Variants in PRKG1 observed in about 807,000 individuals in gnomAD.
PRKG1 encodes protein kinase cGMP-dependent 1.
PRKG1 carries 35 observed loss-of-function variants against 88.1 expected under a neutral mutation model. The ratio of observed to expected loss-of-function variants is 0.40; its 90% CI spans 0.30 to 0.53. PRKG1 has a LOEUF of 0.53. PRKG1 is among the 20% of genes least tolerant of loss of function. The probability of loss-of-function intolerance (pLI) is 0.59; values close to 1 mark genes in which losing one functional copy is unlikely to be tolerated. For missense variants in PRKG1, 540 were observed against 839.8 expected (o/e 0.64, Z 4.41); for synonymous variants, 303 against 292.5 (o/e 1.04, Z -0.37).
At chr10:51,850,489 T>TTATATA (rs141736837) in intron 4 of PRKG1, among the ~76,000 whole-genome samples, 2,699 of 143,642 alleles carry the variant, frequency 0.019, 87 homozygotes, top group African/African-American at 0.064. Context: ...TGTTGCAATT[T>TTATATA]TATATATATA....
chr10:52,112,972 A>G (rs1287447270), intron 7 of PRKG1, among the ~76,000 whole-genome samples: 1 of 152,136 alleles, frequency 6.6e-6, no homozygotes, highest in African/African-American at 2.4e-5. Context: ...GATTACCTGA[A>G]TTTGCATCCA....
intron 5 of PRKG1, among the ~76,000 whole-genome samples, chr10:51,944,448 A>G (rs1254537141): frequency 1.3e-5 from 2 of 151,502 alleles, no homozygotes; most frequent in Non-Finnish European, 2.9e-5. Context: ...TTGTATCTCT[A>G]TTTCCTTCAG....
intron 3 of PRKG1, among the ~76,000 whole-genome samples, chr10:51,627,956 T>TTC (rs1278468104): frequency 4.6e-5 from 1 of 21,780 alleles, no homozygotes; most frequent in Non-Finnish European, 1.3e-4. Context: ...CTTTCTTTCT[T>TTC]TCTTTCTTTC....
At chr10:52,010,517 A>G (rs1844854084) in intron 5 of PRKG1, among the ~76,000 whole-genome samples, 1 of 152,186 alleles carries the variant, frequency 6.6e-6, no homozygotes. Context: ...TACTATACTC[A>G]TCATCTGGGT....
At chr10:52,045,697 C>T (rs1219678975) in intron 5 of PRKG1, among the ~76,000 whole-genome samples, 1 of 151,928 alleles carries the variant, frequency 6.6e-6, no homozygotes, top group East Asian at 1.9e-4. Flanking sequence ...GATAACTATA[C>T]TTGATGATTA....
chr10:51,353,489 G>A (rs1322993026), intron 2 of PRKG1, among the ~76,000 whole-genome samples: 1 of 133,132 alleles, frequency 7.5e-6, no homozygotes, highest in African/African-American at 2.5e-5. Context: ...ATGGGCAAAA[G>A]ATCTGAATAG....
chr10:52,197,450 T>C (rs972062246), intron 9 of PRKG1, among the ~76,000 whole-genome samples: 1 of 152,260 alleles, frequency 6.6e-6, no homozygotes, highest in Non-Finnish European at 1.5e-5. Context: ...ACAAGTGTTA[T>C]GTCCTTGTGA....
intron 7 of PRKG1, among the ~76,000 whole-genome samples, chr10:52,113,606 T>C (rs760858676): frequency 6.6e-5 from 10 of 152,118 alleles, no homozygotes; most frequent in Non-Finnish European, 1.3e-4. Flanking sequence ...CTGTGTCCTG[T>C]TCTACAGGTC....
chr10:51,474,660 C>A (rs566204152), intron 3 of PRKG1, among the ~76,000 whole-genome samples: 1 of 151,976 alleles, frequency 6.6e-6, no homozygotes, highest in South Asian at 2.1e-4. Context: ...TAATAAATTT[C>A]TTCAAAGGAG....
intron 1 of PRKG1, among the ~76,000 whole-genome samples, chr10:51,080,453 GCCTAGCAATGGAGGGTCTCCATGGTAT>G (rs1404427329): frequency 6.6e-6 from 1 of 151,136 alleles, no homozygotes; most frequent in Non-Finnish European, 1.5e-5. Context: ...TTTTCTGTCT[GCCTAGCAATGGAGGGTCTCCATGGTAT>G]CCTAGCAACC....
intron 3 of PRKG1, among the ~76,000 whole-genome samples, chr10:51,658,757 T>C (rs1157791973): frequency 2.0e-5 from 3 of 152,116 alleles, no homozygotes; most frequent in Non-Finnish European, 4.4e-5. Context: ...CGGTTTTCAC[T>C]TTTATTTTTT....
chr10:51,764,984 G>A (rs1838121065), intron 3 of PRKG1, among the ~76,000 whole-genome samples: 1 of 152,168 alleles, frequency 6.6e-6, no homozygotes, highest in Non-Finnish European at 1.5e-5. Context: ...CCTTGATCAT[G>A]GATGTCTCAG....
chr10:51,947,335 G>A (rs1163222782), intron 5 of PRKG1, among the ~76,000 whole-genome samples: 1 of 152,108 alleles, frequency 6.6e-6, no homozygotes, highest in Non-Finnish European at 1.5e-5. Context: ...TATTGGGGTG[G>A]GAGTGACCCG....
intron 2 of PRKG1, among the ~76,000 whole-genome samples, chr10:51,213,957 G>A (rs536498226): frequency 6.6e-5 from 10 of 152,000 alleles, no homozygotes; most frequent in South Asian, 4.2e-4. Context: ...TATAGTTCTC[G>A]TTTGGAATCA....
At chr10:52,183,625 A>C (rs913756099) in intron 9 of PRKG1, among the ~76,000 whole-genome samples, 14 of 152,188 alleles carry the variant, frequency 9.2e-5, no homozygotes, top group African/African-American at 3.4e-4. Flanking sequence ...GGCTTGGTGT[A>C]ATGAAGATGG....
chr10:51,704,224 A>G (rs1012906985), intron 3 of PRKG1, among the ~76,000 whole-genome samples: 7 of 146,760 alleles, frequency 4.8e-5, no homozygotes, highest in Non-Finnish European at 1.0e-4. Context: ...AGTAGCTGAT[A>G]GATGATAGAT....
intron 3 of PRKG1, among the ~76,000 whole-genome samples, chr10:51,480,107 G>C (rs1472773620): frequency 2.6e-5 from 4 of 152,022 alleles, no homozygotes; most frequent in African/African-American, 4.8e-5. Context: ...TTCCAGATGA[G>C]ATCTTAAGGC....
At chr10:52,100,534 A>C (rs1405894424) in intron 7 of PRKG1, among the ~76,000 whole-genome samples, 1 of 152,200 alleles carries the variant, frequency 6.6e-6, no homozygotes, top group African/African-American at 2.4e-5. Flanking sequence ...GTTGATCCTA[A>C]TTCAGCTAAG....
intron 1 of PRKG1, among the ~76,000 whole-genome samples, chr10:51,131,980 T>C (rs565284793): frequency 6.6e-6 from 1 of 152,240 alleles, no homozygotes; most frequent in Non-Finnish European, 1.5e-5. Context: ...TGATCAAACA[T>C]ACAATAAATA....
Sources: allele counts gnomAD v4.1 joint callset (sites outside exome capture counted in the v4.1 genomes callset), GRCh38; gene constraint gnomAD v4.1.1; transcripts MANE v1.5; gene names NCBI Gene and HGNC (gene_info 2026-07-23, HGNC 2026-07-21).